The following RTN4RL1 variants were observed in gnomAD, a reference collection of about 807,000 sequenced individuals.
RTN4RL1 encodes reticulon 4 receptor like 1.
Under a neutral mutation model 25.6 loss-of-function variants are expected in RTN4RL1, and 7 were observed. That is an observed-to-expected ratio of 0.27 (90% confidence interval 0.16 to 0.51). The LOEUF (loss-of-function observed/expected upper bound fraction) is 0.51. Among genes scored for constraint, RTN4RL1 ranks in the 20% least tolerant of loss-of-function variants. The pLI is 0.97. For synonymous variants in RTN4RL1, 297 were observed against 288.2 expected (o/e 1.03, Z -0.31); for missense variants, 500 against 615.6 (o/e 0.81, Z 1.99).
chr17:1,968,019 C>A (rs553072053), intron 1 of RTN4RL1, among the ~76,000 whole-genome samples: 1 of 152,294 alleles, frequency 6.6e-6, no homozygotes, highest in South Asian at 2.1e-4. Context: ...CTTGACACAA[C>A]GCCCACCCGG....
At chr17:1,964,764 T>TA (rs1308313625) in intron 1 of RTN4RL1, among the ~76,000 whole-genome samples, 2 of 150,558 alleles carry the variant, frequency 1.3e-5, no homozygotes, top group Admixed American at 6.6e-5. Context: ...ATTTCACCGT[T>TA]ACAGTTTGCA....
chr17:1,941,947 C>T (rs985608140), intron 1 of RTN4RL1, among the ~76,000 whole-genome samples: 2 of 152,184 alleles, frequency 1.3e-5, no homozygotes, highest in African/African-American at 2.4e-5. Context: ...AGCCCCGACC[C>T]GCTGATTGCC....
intron 1 of RTN4RL1, among the ~76,000 whole-genome samples, chr17:2,000,405 C>T (rs2066951718): frequency 6.6e-6 from 1 of 151,832 alleles, no homozygotes; most frequent in Non-Finnish European, 1.5e-5. Context: ...TGGAGTGCAG[C>T]GGCATGGTCT....
At chr17:1,993,769 C>T (rs1054089098) in intron 1 of RTN4RL1, among the ~76,000 whole-genome samples, 8 of 151,320 alleles carry the variant, frequency 5.3e-5, no homozygotes, top group Admixed American at 1.3e-4. Context: ...AGGGTGCCAT[C>T]GCGTTTTGAA....
At chr17:1,940,782 AG>A (rs1257669633) in intron 1 of RTN4RL1, among the ~76,000 whole-genome samples, 1 of 152,188 alleles carries the variant, frequency 6.6e-6, no homozygotes, top group East Asian at 1.9e-4. Context: ...CCGCACCTGT[AG>A]GAAGCTTCCT....
At chr17:1,948,108 T>A (rs1256523437) in intron 1 of RTN4RL1, among the ~76,000 whole-genome samples, 1 of 152,168 alleles carries the variant, frequency 6.6e-6, no homozygotes, top group Non-Finnish European at 1.5e-5. Context: ...CAGAAAGACC[T>A]GACATATCAG....
chr17:1,944,083 G>A (rs752535547), intron 1 of RTN4RL1, among the ~76,000 whole-genome samples: 1 of 151,960 alleles, frequency 6.6e-6, no homozygotes, highest in African/African-American at 2.4e-5. Context: ...ACACCACCAC[G>A]CTCCGTGAAT....
At position 1,961,773 on chromosome 17, in the gene RTN4RL1, CAAAAAAAAAAAAA is replaced by C. The variant is rs1163170575; in HGVS notation, c.14-23978_14-23966del. Among the ~76,000 whole-genome samples, 56 of 55,600 alleles carry C rather than the reference CAAAAAAAAAAAAA, an allele frequency of 1.0e-3. 1 individual carries two copies. Among genetic ancestry groups the C allele is most frequent in the Admixed American group, 4.2e-3 (16 of 3,854 alleles). 36.5% of individuals were successfully genotyped at this position (55,600 alleles called of 152,430 possible). A position where few individuals can be genotyped will look rare whatever the true frequency, so the allele number is the denominator to read the frequency against. ...TGAAACCCTGTCTCCACTAAAAATA[CAAAAAAAAAAAAA>C]AAAAAAAAAAAATTAGCAGGGCGTG... is the stretch of plus-strand genomic sequence containing the variant. On this transcript the variant is annotated intron_variant, in intron 1 of 1. Transcript: ENST00000331238.
At chr17:2,013,448 G>A (rs1441120425) in intron 1 of RTN4RL1, among the ~76,000 whole-genome samples, 1 of 152,250 alleles carries the variant, frequency 6.6e-6, no homozygotes, top group East Asian at 1.9e-4. Flanking sequence ...TTCTCTAGCA[G>A]CGGAGCTGGC....
At chr17:2,019,166 C>CT in intron 1 of RTN4RL1, 1 of 152,390 alleles carries the variant, frequency 6.6e-6, no homozygotes. Context: ...ACTCCTCTCT[C>CT]TGTCTCATTT....
chr17:1,963,809 G>A (rs753993823), intron 1 of RTN4RL1, among the ~76,000 whole-genome samples: 12 of 152,076 alleles, frequency 7.9e-5, no homozygotes, highest in South Asian at 2.1e-4. Context: ...TCGGCTGAGC[G>A]CAACCTCCAC....
At chr17:1,989,092 C>G (rs1315773950) in intron 1 of RTN4RL1, among the ~76,000 whole-genome samples, 2 of 152,136 alleles carry the variant, frequency 1.3e-5, no homozygotes, top group Admixed American at 1.3e-4. Flanking sequence ...AGAGAGTAAT[C>G]TAGACCACCA....
chr17:1,946,920 G>A (rs1915564187), intron 1 of RTN4RL1, among the ~76,000 whole-genome samples: 4 of 148,678 alleles, frequency 2.7e-5, no homozygotes, highest in Admixed American at 2.0e-4. Context: ...ACGTGTGTCT[G>A]TGTGCATCTC....
chr17:2,000,876 G>A (rs7224891), intron 1 of RTN4RL1, among the ~76,000 whole-genome samples: 106,204 of 151,574 alleles, frequency 0.7, 37,664 homozygotes, highest in African/African-American at 0.78. Context: ...TCCAAATCAT[G>A]CCACCCAGCC....
chr17:1,996,060 A>G (rs2066928298), intron 1 of RTN4RL1, among the ~76,000 whole-genome samples: 1 of 152,184 alleles, frequency 6.6e-6, no homozygotes, highest in South Asian at 2.1e-4. Context: ...GCCCTGGCTC[A>G]GGCTGCCTGG....
At chr17:1,983,194 C>T (rs1567516405) in intron 1 of RTN4RL1, among the ~76,000 whole-genome samples, 2 of 152,188 alleles carry the variant, frequency 1.3e-5, no homozygotes, top group East Asian at 1.9e-4. Flanking sequence ...TACAGGCACC[C>T]GCCACCACAC....
intron 1 of RTN4RL1, among the ~76,000 whole-genome samples, chr17:1,991,292 G>A (rs1324713135): frequency 6.6e-6 from 1 of 152,034 alleles, no homozygotes; most frequent in Non-Finnish European, 1.5e-5. Flanking sequence ...GGGAGGGAGA[G>A]GAGCTGAGAA....
At chr17:2,000,722 GT>G (rs2066953170) in intron 1 of RTN4RL1, among the ~76,000 whole-genome samples, 2 of 152,028 alleles carry the variant, frequency 1.3e-5, no homozygotes, top group Non-Finnish European at 2.9e-5. Flanking sequence ...GTTTCGCCAT[GT>G]TGGCCAGGCT....
intron 1 of RTN4RL1, among the ~76,000 whole-genome samples, chr17:2,021,359 G>T (rs1233342032): frequency 2.6e-5 from 4 of 152,048 alleles, no homozygotes; most frequent in African/African-American, 9.7e-5. Context: ...CCTGCCCTTT[G>T]CAGAAAGATG....
Sources: allele counts gnomAD v4.1 joint callset (sites outside exome capture counted in the v4.1 genomes callset), GRCh38; gene constraint gnomAD v4.1.1; transcripts MANE v1.5; gene names NCBI Gene and HGNC (gene_info 2026-07-23, HGNC 2026-07-21).